Variants in CEP350 observed in about 807,000 individuals in gnomAD.
CEP350 encodes centrosomal protein 350.
In CEP350, 126 loss-of-function variants were observed where a neutral mutation model predicts 331.8. That is an observed-to-expected ratio of 0.38 (90% CI 0.33 to 0.44). The LOEUF is 0.44. Ranked by LOEUF, CEP350 falls within the 20% of genes least tolerant of loss-of-function variation. The pLI is 1.00. For synonymous variants in CEP350, 1,200 were observed against 1,259.5 expected, an observed-to-expected ratio of 0.95 and a Z score of 1.00; for missense variants, 3,406 against 3,634.6, an observed-to-expected ratio of 0.94 and a Z score of 1.62.
chr1:179,957,306 C>A (rs1394423679), intron 1 of CEP350, among the ~76,000 whole-genome samples: 1 of 152,080 alleles, frequency 6.6e-6, no homozygotes. Context: ...TAATTCTCTG[C>A]ATATAATTGT....
rs191557182 is a variant in CEP350 at position 180,111,343 on chromosome 1, G to A, written c.*182G>A. On this transcript the variant is annotated 3_prime_UTR_variant, in exon 38 of 38. Transcript: ENST00000367607. ...CCTGGTATTACAGCCTTTGCCTTTC[G>A]AGACTATCCACTGGATTAATGGGTT... The A allele has an allele frequency of 9.0e-6, 6 of 666,998 alleles. No homozygotes were observed. In the African/African-American group the frequency reaches 1.1e-4, roughly 12 times the overall value. The allele number at this position is 666,998 out of a possible 1,614,324, so 41.3% of individuals were successfully genotyped here.
rs753718474 is a variant in CEP350, at chr1:180,113,397, T to A, written c.*2236T>A. 7.2e-5 allele frequency: 11 copies of A among 151,818 alleles called. No homozygotes were observed. Among genetic ancestry groups the A allele is most frequent in the Non-Finnish European group, 1.5e-4 (10 of 67,956 alleles). The allele number at this position is 151,818 out of a possible 1,614,324, so 9.4% of individuals were successfully genotyped here. On this transcript the variant is annotated 3_prime_UTR_variant, in exon 38 of 38. Transcript: ENST00000367607. Reference sequence around the variant, plus strand: ...TGACTCCAGAAAAAGAAAAAAAAAATACAAGTCATGGAATCAGCAATCTGG... The same window carrying A: ...TGACTCCAGAAAAAGAAAAAAAAAAAACAAGTCATGGAATCAGCAATCTGG...
chr1:180,093,833 T>C lies in CEP350; in HGVS notation c.7728T>C (p.Ile2576=). 6.2e-7 allele frequency: 1 copy of C among 1,613,844 alleles called. No individual in the cohort carries two copies. ...AAAACTTTGATGACTATGTAGACAT[T>C]AATGAAGATGAAGACTGTTACTCAG... is the stretch of plus-strand genomic sequence containing the variant. ...IPENFDDYVD[I]NEDEDCYSDE... is the part of the protein sequence containing the mutation. The change falls in exon 34 of 38, where the codon ATT becomes ATC. Residue 2576 remains isoleucine (I), a synonymous_variant. Coordinates refer to ENST00000367607, the MANE Select transcript of CEP350 (RefSeq NM_014810.5).
chr1:180,066,043 T>A (rs902374238), intron 27 of CEP350, among the ~76,000 whole-genome samples: 6 of 152,092 alleles, frequency 3.9e-5, no homozygotes, highest in Non-Finnish European at 5.9e-5. Flanking sequence ...AAGGCTGAAA[T>A]TTTCCAGGAA....
chr1:180,110,908 C>A, intron 37 of CEP350, 89 bp from the exon 38 acceptor site: 4 of 1,096,876 alleles, frequency 3.6e-6, no homozygotes, highest in South Asian at 1.4e-5. Flanking sequence ...GGGCTGTATT[C>A]CTATGGATAG....
In CEP350 at chr1:179,955,098, C is replaced by T; in HGVS notation, c.-58C>T. ...CGTCACTGCACCCTCCGCCAGGCTC[C>T]GCGGGATGCACCGTGGTAGCCGAGG... On this transcript the variant is annotated 5_prime_UTR_variant, in exon 1 of 38. Coordinates refer to ENST00000367607, the MANE Select transcript of CEP350 (RefSeq NM_014810.5). The T allele has an allele frequency of 6.8e-7, 1 of 1,470,796 alleles. No individual in the cohort carries two copies. 91.1% of individuals were successfully genotyped at this position (1,470,796 alleles called of 1,614,324 possible).
chr1:180,005,707 C>T (rs1304301304), intron 7 of CEP350, among the ~76,000 whole-genome samples: 1 of 152,172 alleles, frequency 6.6e-6, no homozygotes, highest in Non-Finnish European at 1.5e-5. Context: ...CCTGCATGAT[C>T]TAGCCCTTAG....
chr1:179,966,622 A>C (rs577685241), intron 1 of CEP350, among the ~76,000 whole-genome samples: 6 of 152,288 alleles, frequency 3.9e-5, no homozygotes, highest in Admixed American at 3.3e-4. Context: ...AAATTTCTGA[A>C]AGCTGAAATT....
rs767417815 is a variant in CEP350, at chr1:180,094,054, A to G, written c.7949A>G (p.His2650Arg). ...VQDISGVLEA[H>R]VHQQSSVDSQ... is the part of the protein sequence containing the mutation. ...GACATTTCTGGGGTACTTGAAGCCC[A>G]TGTTCACCAGCAGTCTTCAGTGGAT... Residue 2650 changes from histidine (H) to arginine (R), a missense_variant, in exon 34 of 38, where the codon CAT becomes CGT. Around this residue, in one of 5 missense-constraint regions of CEP350, gnomAD observed 1,415 missense variants for 1,512.3 expected, o/e 0.94. Transcript: ENST00000367607. 16 of 1,613,908 alleles carry G rather than the reference A, an allele frequency of 9.9e-6. No homozygotes were observed. The highest frequency in any genetic ancestry group is 2.2e-5 in the East Asian group (1 of 44,872).
At chr1:180,036,157 A>G (rs1209053543) in intron 16 of CEP350, among the ~76,000 whole-genome samples, 1 of 152,234 alleles carries the variant, frequency 6.6e-6, no homozygotes, top group Non-Finnish European at 1.5e-5. Flanking sequence ...GATCCTGAAG[A>G]TGTTACTGAA....
chr1:180,011,901 T>C (rs1654683444), intron 8 of CEP350, 28 bp from the exon 9 acceptor site: 1 of 1,522,646 alleles, frequency 6.6e-7, no homozygotes, highest in African/African-American at 1.4e-5. Context: ...AATTTAAGTT[T>C]TAATTTCAGT....
At chr1:180,103,113 G>T (rs577862060) in intron 37 of CEP350, among the ~76,000 whole-genome samples, 124 of 152,318 alleles carry the variant, frequency 8.1e-4, no homozygotes, top group Non-Finnish European at 1.4e-3. Flanking sequence ...CCACAGATTG[G>T]TTCCACCAGG....
chr1:180,014,179 A>ATTT lies in CEP350; in HGVS notation c.1727_1728insTTT (p.Ile576_Thr577insLeu). 6.2e-7 allele frequency: 1 copy of ATTT among 1,608,912 alleles called. No homozygotes were observed. The highest frequency in any genetic ancestry group is 8.5e-7 in the Non-Finnish European group (1 of 1,177,592). On this transcript the variant is annotated inframe_insertion, in exon 10 of 38. Transcript: ENST00000367607. ...CCCAGTAAAAAGAAAACCTGACAAA[A>ATTT]TAACAGCTAATGAAGATCCCCCTGT...
At position 180,037,811 on chromosome 1, in the gene CEP350, G is replaced by A. The variant is rs551100817; in HGVS notation, c.4110+722G>A. 7.2e-5 allele frequency among the ~76,000 whole-genome samples: 11 copies of A among 152,080 alleles called. 1 individual carries two copies. In the South Asian group the frequency reaches 1.7e-3, roughly 23 times the overall value. Reference sequence around the variant, plus strand: ...ACTACAGGTGCCCGCCACAGTGCCCGGCTAATTTTTTGTATTTTTACTAGA... The same window carrying A: ...ACTACAGGTGCCCGCCACAGTGCCCAGCTAATTTTTTGTATTTTTACTAGA... On this transcript the variant is annotated intron_variant, in intron 17 of 37. Coordinates refer to ENST00000367607, the MANE Select transcript of CEP350 (RefSeq NM_014810.5).
chr1:180,102,827 T>TTTTATA (rs1290025363), intron 37 of CEP350, among the ~76,000 whole-genome samples: 2 of 152,262 alleles, frequency 1.3e-5, no homozygotes, highest in African/African-American at 4.8e-5. Flanking sequence ...CTCTTTTTAC[T>TTTTATA]TAAGCAGTTT....
intron 7 of CEP350, among the ~76,000 whole-genome samples, chr1:180,003,796 G>T (rs1654030757): frequency 6.6e-6 from 1 of 152,192 alleles, no homozygotes; most frequent in Admixed American, 6.5e-5. Context: ...AATAGTATGA[G>T]CTTGGGCAAG....
In CEP350 at chr1:179,990,389, T is replaced by C. The variant is rs1473302191; in HGVS notation, c.121-118T>C. ...ATATTATAAGAAAGGATTCCTGAGT[T>C]TTTTTCTACTTTGGAAAAAGGTATT... On this transcript the variant is annotated intron_variant, in intron 3 of 37. Coordinates refer to ENST00000367607, the MANE Select transcript of CEP350 (RefSeq NM_014810.5). 2.0e-5 allele frequency: 9 copies of C among 443,928 alleles called. No individual in the cohort carries two copies. In the East Asian group the frequency reaches 3.1e-4, roughly 15 times the overall value. 27.5% of individuals were successfully genotyped at this position (443,928 alleles called of 1,614,324 possible).
chr1:180,006,379 T>C, intron 7 of CEP350, 75 bp from the exon 8 acceptor site: 1 of 788,118 alleles, frequency 1.3e-6, no homozygotes, highest in South Asian at 1.5e-5. Context: ...TTATACAGAT[T>C]TTTCCTATGG....
At position 180,020,449 on chromosome 1, in the gene CEP350, G is replaced by A; in HGVS notation, c.2675G>A (p.Arg892Lys). Residue 892 changes from arginine to lysine, a missense_variant, in exon 12 of 38, where the codon AGA becomes AAA. Arg to Lys is a conservative substitution (Grantham distance 26). Transcript: ENST00000367607. ...KDDNEDVFSA[R>K]IQKMLGSCVS... ...GATAATGAAGATGTTTTCTCTGCCA[G>A]AATTCAGAAGATGCTGGGAAGCTGT... The A allele has an allele frequency of 6.2e-7, 1 of 1,613,918 alleles. No homozygotes were observed. Among genetic ancestry groups the A allele is most frequent in the Non-Finnish European group, 8.5e-7 (1 of 1,179,886 alleles).
Sources: allele counts gnomAD v4.1 joint callset (sites outside exome capture counted in the v4.1 genomes callset), GRCh38; gene constraint gnomAD v4.1.1; regional missense constraint gnomAD v4.1.1; transcripts MANE v1.5; gene names NCBI Gene and HGNC (gene_info 2026-07-23, HGNC 2026-07-21).